Variants in CHCHD6 observed in about 807,000 individuals in gnomAD.
The protein encoded by CHCHD6 is coiled-coil-helix-coiled-coil-helix domain containing 6.
A neutral mutation model predicts 32.3 loss-of-function variants in CHCHD6; 28 were observed. That is an observed-to-expected ratio of 0.87 (90% CI 0.64 to 1.19). The LOEUF (loss-of-function observed/expected upper bound fraction) is 1.19. CHCHD6 is among the 50% of genes most tolerant of loss of function. The probability of loss-of-function intolerance (pLI) is 0.00; values close to 1 mark genes in which losing one functional copy is unlikely to be tolerated. For synonymous variants in CHCHD6, 122 were observed against 117.5 expected (o/e 1.04, Z -0.25); for missense variants, 333 against 307.0 (o/e 1.08, Z -0.63).
At chr3:126,749,268 A>G (rs1936629560) in intron 4 of CHCHD6, among the ~76,000 whole-genome samples, 1 of 152,184 alleles carries the variant, frequency 6.6e-6, no homozygotes, top group South Asian at 2.1e-4. Flanking sequence ...GAGCAGAGGC[A>G]GGGGAATCAA....
At chr3:126,846,993 A>G (rs1941317111) in intron 4 of CHCHD6, among the ~76,000 whole-genome samples, 1 of 152,216 alleles carries the variant, frequency 6.6e-6, no homozygotes, top group Non-Finnish European at 1.5e-5. Flanking sequence ...GTTTCTTCTA[A>G]GTAGCAAGTC....
intron 6 of CHCHD6, among the ~76,000 whole-genome samples, chr3:126,950,500 G>T (rs1048299206): frequency 1.4e-4 from 21 of 152,198 alleles, no homozygotes; most frequent in African/African-American, 5.1e-4. Flanking sequence ...ATCTCAGGCT[G>T]GAGTGCAGTG....
At chr3:126,737,964 G>A (rs374942257) in intron 4 of CHCHD6, among the ~76,000 whole-genome samples, 93 of 152,238 alleles carry the variant, frequency 6.1e-4, no homozygotes, top group African/African-American at 2.2e-3. Context: ...TTGATCACTA[G>A]GAAAATACTT....
intron 1 of CHCHD6, 79 bp downstream of exon 1, chr3:126,704,478 G>A (rs1375987885): frequency 3.3e-6 from 3 of 914,742 alleles, no homozygotes; most frequent in African/African-American, 3.6e-5. Context: ...GCGCAGGGCC[G>A]GGGCTCTTTC....
At chr3:126,788,245 T>A (rs1241694780) in intron 4 of CHCHD6, among the ~76,000 whole-genome samples, 1 of 152,218 alleles carries the variant, frequency 6.6e-6, no homozygotes. Flanking sequence ...TATTGAGGAT[T>A]TTCGCATTGA....
At chr3:126,858,447 G>A (rs1375969562) in intron 5 of CHCHD6, among the ~76,000 whole-genome samples, 1 of 152,174 alleles carries the variant, frequency 6.6e-6, no homozygotes, top group Non-Finnish European at 1.5e-5. Context: ...CTGCAGCTGA[G>A]GAAGGCAGCC....
chr3:126,892,725 A>C (rs990197846), intron 5 of CHCHD6, among the ~76,000 whole-genome samples: 1 of 152,202 alleles, frequency 6.6e-6, no homozygotes, highest in Non-Finnish European at 1.5e-5. Flanking sequence ...ACTCCTGAGG[A>C]ACTGGCATAC....
chr3:126,741,488 G>T (rs1936286595), intron 4 of CHCHD6, among the ~76,000 whole-genome samples: 1 of 152,130 alleles, frequency 6.6e-6, no homozygotes, highest in Admixed American at 6.6e-5. Flanking sequence ...CATCCTAGAG[G>T]TATGGTGTGG....
intron 4 of CHCHD6, among the ~76,000 whole-genome samples, chr3:126,738,484 C>A (rs1188572026): frequency 1.3e-5 from 2 of 152,246 alleles, no homozygotes; most frequent in African/African-American, 4.8e-5. Flanking sequence ...TAACAGTCCT[C>A]TCCTACATTT....
chr3:126,907,068 G>A (rs1008075516), intron 5 of CHCHD6, among the ~76,000 whole-genome samples: 7 of 152,172 alleles, frequency 4.6e-5, no homozygotes, highest in African/African-American at 1.7e-4. Context: ...TGGAAACACG[G>A]TCATCTGATG....
chr3:126,925,026 C>A (rs1362903428), intron 6 of CHCHD6, among the ~76,000 whole-genome samples: 1 of 152,222 alleles, frequency 6.6e-6, no homozygotes. Context: ...ATGAAGCTTG[C>A]AGCAGTCAGT....
At chr3:126,843,759 A>C (rs1292568675) in intron 4 of CHCHD6, among the ~76,000 whole-genome samples, 2 of 152,176 alleles carry the variant, frequency 1.3e-5, no homozygotes, top group Non-Finnish European at 2.9e-5. Context: ...AGACCACTTG[A>C]TATTGAAATT....
intron 4 of CHCHD6, among the ~76,000 whole-genome samples, chr3:126,768,703 C>T (rs923189740): frequency 2.6e-5 from 4 of 152,146 alleles, no homozygotes; most frequent in African/African-American, 4.8e-5. Context: ...TATAAGCATA[C>T]CCTTTTCCCC....
intron 5 of CHCHD6, among the ~76,000 whole-genome samples, chr3:126,910,610 C>T (rs575524110): frequency 6.6e-6 from 1 of 152,358 alleles, no homozygotes; most frequent in African/African-American, 2.4e-5. Context: ...GTGTTCCCTA[C>T]AGATACACAC....
At chr3:126,717,534 T>C (rs1486185290) in intron 1 of CHCHD6, among the ~76,000 whole-genome samples, 1 of 152,196 alleles carries the variant, frequency 6.6e-6, no homozygotes, top group Non-Finnish European at 1.5e-5. Flanking sequence ...CTCAGGAGGC[T>C]GAGGCAGGAG....
chr3:126,709,127 G>A (rs1479955674), intron 1 of CHCHD6, among the ~76,000 whole-genome samples: 1 of 152,098 alleles, frequency 6.6e-6, no homozygotes, highest in East Asian at 1.9e-4. Context: ...TTAAAGATTT[G>A]TATAATTTTT....
chr3:126,753,061 T>G (rs1469608693), intron 4 of CHCHD6, among the ~76,000 whole-genome samples: 1 of 152,146 alleles, frequency 6.6e-6, no homozygotes, highest in African/African-American at 2.4e-5. Context: ...CTTGCACTAG[T>G]CCTTCTCTTG....
intron 5 of CHCHD6, among the ~76,000 whole-genome samples, chr3:126,856,279 C>G (rs1416534029): frequency 2.0e-5 from 3 of 152,200 alleles, no homozygotes; most frequent in Non-Finnish European, 4.4e-5. Flanking sequence ...AACAAAGGGC[C>G]TCAATGCCCT....
chr3:126,943,694 A>AGG (rs1183849299), intron 6 of CHCHD6, among the ~76,000 whole-genome samples: 2 of 152,102 alleles, frequency 1.3e-5, no homozygotes, highest in Non-Finnish European at 2.9e-5. Flanking sequence ...GTCATAATGA[A>AGG]GGAGGCCCAG....
Sources: gnomAD v4.1 joint callset for allele counts (sites outside exome capture counted in the v4.1 genomes callset) on GRCh38, gnomAD v4.1.1 for gene constraint, MANE v1.5 for transcripts, NCBI Gene and HGNC (gene_info 2026-07-23, HGNC 2026-07-21) for gene names.